MAST2: variants seen among roughly 807,000 people sequenced by gnomAD.
The protein encoded by MAST2 is microtubule-associated serine/threonine-protein kinase 2.
In MAST2, 70 loss-of-function variants were observed where a neutral mutation model predicts 147.4. The observed-to-expected ratio is 0.47, with a 90% CI of 0.39 to 0.58. The LOEUF (loss-of-function observed/expected upper bound fraction) is 0.58, where lower values mean the gene tolerates loss of function less well. Among genes scored for constraint, MAST2 ranks in the 20% least tolerant of loss-of-function variants. The pLI is 0.00. For synonymous variants in MAST2, 869 were observed against 896.8 expected, an observed-to-expected ratio of 0.97 and a Z score of 0.55; for missense variants, 2,080 against 2,302.3, an observed-to-expected ratio of 0.90 and a Z score of 1.98.
rs1052607 is a variant in MAST2, at chr1:46,033,854, A to G, written c.3590A>G (p.Lys1197Arg). The change falls in exon 27 of 29, where the codon AAA becomes AGA. Residue 1197 changes from lysine to arginine, a missense_variant. This residue lies in a region of MAST2 where 1,278 missense variants were observed against 1,304.2 expected (regional missense o/e 0.98). Transcript: ENST00000361297. ...STTPLENTSI[K>R]VGPARKGSYK... ...ACTCCCCTGGAGAACACATCCATTA[A>G]AGTGGGGCCAGCTCGGAAGGGCAGC... The G allele has an allele frequency of 0.064, 103,161 of 1,614,120 alleles. 3,835 individuals carry two copies. Among genetic ancestry groups the G allele is most frequent in the Non-Finnish European group, 0.074 (86,844 of 1,179,970 alleles).
intron 4 of MAST2, among the ~76,000 whole-genome samples, chr1:45,942,378 A>G (rs902359215): frequency 6.6e-6 from 1 of 152,230 alleles, no homozygotes; most frequent in African/African-American, 2.4e-5. Context: ...CAGTAAAGCT[A>G]CCTGTGGTGA....
chr1:45,988,322 C>G (rs958889799), intron 5 of MAST2, among the ~76,000 whole-genome samples: 2 of 152,124 alleles, frequency 1.3e-5, no homozygotes, highest in African/African-American at 4.8e-5. Context: ...CCTCTAATTT[C>G]CCTTTTGATT....
chr1:45,816,456 C>G (rs1644458327), intron 1 of MAST2, among the ~76,000 whole-genome samples: 1 of 152,062 alleles, frequency 6.6e-6, no homozygotes, highest in Non-Finnish European at 1.5e-5. Context: ...AGATACATGA[C>G]CTTTCAGACA....
intron 3 of MAST2, among the ~76,000 whole-genome samples, chr1:45,842,889 G>A (rs1362007548): frequency 1.3e-5 from 2 of 152,154 alleles, no homozygotes; most frequent in African/African-American, 4.8e-5. Flanking sequence ...CCATTTTACA[G>A]TTCCACTAGC....
At chr1:45,830,003 C>T (rs568248175) in intron 3 of MAST2, among the ~76,000 whole-genome samples, 8 of 150,050 alleles carry the variant, frequency 5.3e-5, no homozygotes, top group South Asian at 4.2e-4. Context: ...TACAGGTGTG[C>T]GCCACCACCC....
chr1:45,871,950 A>G (rs1162084394), intron 3 of MAST2, among the ~76,000 whole-genome samples: 1 of 152,140 alleles, frequency 6.6e-6, no homozygotes, highest in African/African-American at 2.4e-5. Context: ...GGCTGGTCTC[A>G]AACTCTGGGC....
Position 45,872,482 on chromosome 1 carries a change from GT to G in MAST2, c.469-9867del, listed in dbSNP as rs796554757. Among the ~76,000 whole-genome samples the G allele has an allele frequency of 6.8e-4, 95 of 140,648 alleles. 1 individual carries two copies. The highest frequency in any genetic ancestry group is 5.9e-4 in the Non-Finnish European group (38 of 63,948). The allele number at this position is 140,648 out of a possible 152,430, so 92.3% of individuals were successfully genotyped here. A position where few individuals can be genotyped will look rare whatever the true frequency, so the allele number is the denominator to read the frequency against. On this transcript the variant is annotated intron_variant, in intron 3 of 28. Transcript: ENST00000361297. ...TCTGTGGGAATAGCACCATTTCGTG[GT>G]TTTTTTTTTTTTTTGAGACGGAGTT... is the stretch of plus-strand genomic sequence containing the variant.
chr1:45,838,026 G>A (rs1296930301), intron 3 of MAST2, among the ~76,000 whole-genome samples: 2 of 151,954 alleles, frequency 1.3e-5, no homozygotes, highest in East Asian at 1.9e-4. Context: ...GGATCCACCC[G>A]CCTCAGCCTC....
intron 5 of MAST2, among the ~76,000 whole-genome samples, chr1:45,990,630 G>A (rs1354499945): frequency 3.9e-5 from 6 of 152,034 alleles, no homozygotes; most frequent in South Asian, 2.1e-4. Context: ...GACCAGGTGC[G>A]TTAGGCTGCC....
chr1:45,992,850 C>T (rs1003775131), intron 5 of MAST2, among the ~76,000 whole-genome samples: 4 of 151,892 alleles, frequency 2.6e-5, no homozygotes, highest in African/African-American at 7.3e-5. Flanking sequence ...TTTCTCCTTC[C>T]GTGATCTTTT....
At chr1:45,858,437 T>C (rs1474331440) in intron 3 of MAST2, among the ~76,000 whole-genome samples, 1 of 152,118 alleles carries the variant, frequency 6.6e-6, no homozygotes, top group Non-Finnish European at 1.5e-5. Context: ...GTTCATATCC[T>C]TTGCCCACTT....
chr1:46,003,658 G>A (rs186521509), intron 7 of MAST2, among the ~76,000 whole-genome samples: 1 of 152,084 alleles, frequency 6.6e-6, no homozygotes, highest in East Asian at 1.9e-4. Flanking sequence ...GTAGAGAGGG[G>A]GTTTCATCAT....
intron 4 of MAST2, among the ~76,000 whole-genome samples, chr1:45,892,064 C>T (rs976460254): frequency 6.6e-6 from 1 of 152,146 alleles, no homozygotes; most frequent in Non-Finnish European, 1.5e-5. Flanking sequence ...ATAAAGTCAA[C>T]CATAGTTCCT....
At chr1:46,020,469 T>C (rs535738642) in intron 11 of MAST2, among the ~76,000 whole-genome samples, 1 of 152,288 alleles carries the variant, frequency 6.6e-6, no homozygotes, top group Admixed American at 6.5e-5. Context: ...TTACGGCCAC[T>C]TGGAGACACC....
In MAST2 at chr1:45,852,091, A is replaced by G. The variant is rs538397303; in HGVS notation, c.468+22510A>G. Among the ~76,000 whole-genome samples the G allele has an allele frequency of 6.6e-5, 10 of 152,298 alleles. No homozygotes were observed. The South Asian group carries it at 2.1e-3, about 32-fold the overall frequency. ...ATAGCTATAATACAATATTAAAACC[A>G]TGAAAATGACATTTGTACAATATCA... On this transcript the variant is annotated intron_variant, in intron 3 of 28. Transcript: ENST00000361297.
chr1:46,005,133 CG>C (rs766780335), intron 7 of MAST2, among the ~76,000 whole-genome samples: 2 of 152,172 alleles, frequency 1.3e-5, no homozygotes, highest in Non-Finnish European at 2.9e-5. Context: ...GAGGCCAAGG[CG>C]GGCAGATCAC....
At chr1:45,815,129 C>T (rs956437053) in intron 1 of MAST2, among the ~76,000 whole-genome samples, 2 of 150,872 alleles carry the variant, frequency 1.3e-5, no homozygotes, top group African/African-American at 2.4e-5. Context: ...TAAGCTACAT[C>T]GTTTCTTTGC....
chr1:45,858,661 TG>T (rs1182426602), intron 3 of MAST2, among the ~76,000 whole-genome samples: 178 of 147,090 alleles, frequency 1.2e-3, no homozygotes, highest in African/African-American at 4.3e-3. Flanking sequence ...CCATTGCTTT[TG>T]GTGTTTTAGA....
At chr1:45,949,201 T>C (rs4660899) in intron 4 of MAST2, among the ~76,000 whole-genome samples, 152,058 of 152,302 alleles carry the variant, frequency 1, 75,911 homozygotes, top group Middle Eastern at 1. Flanking sequence ...CAAAAGCGAT[T>C]GCAACAAAAG....
Sources: allele counts gnomAD v4.1 joint callset (sites outside exome capture counted in the v4.1 genomes callset), GRCh38; gene constraint gnomAD v4.1.1; regional missense constraint gnomAD v4.1.1; transcripts MANE v1.5; gene names NCBI Gene and HGNC (gene_info 2026-07-23, HGNC 2026-07-21).